Variants in CPQ observed in about 807,000 individuals in gnomAD.
CPQ encodes the protein carboxypeptidase Q.
Under a neutral mutation model 45.7 loss-of-function variants are expected in CPQ, and 37 were observed. The observed-to-expected ratio is 0.81, with a 90% CI of 0.62 to 1.07. The LOEUF (loss-of-function observed/expected upper bound fraction) is 1.07, where lower values mean the gene tolerates loss of function less well. Among genes scored for constraint, CPQ ranks in the 50% least tolerant of loss-of-function variants. The probability of loss-of-function intolerance (pLI) is 0.00; values close to 1 mark genes in which losing one functional copy is unlikely to be tolerated. For missense variants in CPQ, 537 were observed against 572.9 expected (o/e 0.94, Z 0.64); for synonymous variants, 186 against 205.8 (o/e 0.90, Z 0.82).
intron 3 of CPQ, among the ~76,000 whole-genome samples, chr8:96,872,472 T>C (rs116900338): frequency 0.025 from 3,782 of 152,022 alleles, 83 homozygotes; most frequent in Non-Finnish European, 0.037. Context: ...TTTAGGTGTG[T>C]AATAACTTCT....
chr8:96,778,511 T>TCA (rs1810644735), intron 1 of CPQ, among the ~76,000 whole-genome samples: 1 of 152,180 alleles, frequency 6.6e-6, no homozygotes, highest in Non-Finnish European at 1.5e-5. Flanking sequence ...CTCATATAGC[T>TCA]CATTGTTTTG....
intron 5 of CPQ, among the ~76,000 whole-genome samples, chr8:96,989,135 C>G (rs571773747): frequency 2.8e-4 from 42 of 152,192 alleles, no homozygotes; most frequent in South Asian, 6.2e-4. Flanking sequence ...TGAGAGCTTC[C>G]TATAGAAGGC....
intron 1 of CPQ, among the ~76,000 whole-genome samples, chr8:96,774,630 G>C (rs1385181388): frequency 6.6e-6 from 1 of 152,092 alleles, no homozygotes; most frequent in Non-Finnish European, 1.5e-5. Flanking sequence ...GAGGGAAAAA[G>C]AAGAATCCGA....
intron 3 of CPQ, among the ~76,000 whole-genome samples, chr8:96,845,613 C>A (rs996777748): frequency 3.3e-5 from 5 of 151,964 alleles, no homozygotes; most frequent in African/African-American, 1.2e-4. Flanking sequence ...TCCTTCACCC[C>A]CTGGGACCAC....
intron 7 of CPQ, among the ~76,000 whole-genome samples, chr8:97,125,607 A>G (rs1811834622): frequency 6.6e-6 from 1 of 152,228 alleles, no homozygotes; most frequent in South Asian, 2.1e-4. Context: ...AATTTACCAC[A>G]TTAACATAAT....
intron 6 of CPQ, among the ~76,000 whole-genome samples, chr8:97,062,492 G>T (rs575318912): frequency 6.6e-6 from 1 of 152,258 alleles, no homozygotes; most frequent in East Asian, 1.9e-4. Context: ...TCTATTTTAA[G>T]TTCAGGGGTA....
chr8:97,078,254 C>T (rs1810883819), intron 7 of CPQ, among the ~76,000 whole-genome samples: 2 of 152,100 alleles, frequency 1.3e-5, no homozygotes, highest in African/African-American at 4.8e-5. Flanking sequence ...CTATCTTGTA[C>T]ATGTCCTGCC....
chr8:97,053,061 A>T (rs572094654), intron 6 of CPQ, among the ~76,000 whole-genome samples: 89 of 152,352 alleles, frequency 5.8e-4, no homozygotes, highest in African/African-American at 2.1e-3. Context: ...CATCATCAAC[A>T]TAATCATTAT....
chr8:96,903,009 A>G (rs1812532759), intron 4 of CPQ, among the ~76,000 whole-genome samples: 1 of 151,950 alleles, frequency 6.6e-6, no homozygotes, highest in Non-Finnish European at 1.5e-5. Flanking sequence ...TAGGCAGGAT[A>G]GTGATCCTTC....
At chr8:97,101,421 C>T (rs940576463) in intron 7 of CPQ, among the ~76,000 whole-genome samples, 6 of 151,296 alleles carry the variant, frequency 4.0e-5, no homozygotes, top group Admixed American at 1.3e-4. Context: ...AGTATTTCTG[C>T]CGTACTATAT....
At chr8:96,880,590 A>C (rs913960893) in intron 4 of CPQ, among the ~76,000 whole-genome samples, 1 of 136,460 alleles carries the variant, frequency 7.3e-6, no homozygotes, top group Admixed American at 7.6e-5. Context: ...ATGGAATACT[A>C]CCCAGCCATA....
chr8:97,072,336 T>C (rs1417786147), intron 7 of CPQ, among the ~76,000 whole-genome samples: 1 of 152,094 alleles, frequency 6.6e-6, no homozygotes, highest in East Asian at 1.9e-4. Context: ...TCCTCCAGCA[T>C]CTCCCTGCTG....
intron 2 of CPQ, among the ~76,000 whole-genome samples, chr8:96,801,057 C>A (rs980230702): frequency 1.3e-5 from 2 of 150,504 alleles, no homozygotes; most frequent in African/African-American, 4.9e-5. Flanking sequence ...CTCACTGCAA[C>A]CTCTGACTCA....
intron 4 of CPQ, among the ~76,000 whole-genome samples, chr8:96,891,682 G>A (rs1036470237): frequency 3.9e-5 from 6 of 152,196 alleles, no homozygotes; most frequent in African/African-American, 1.4e-4. Flanking sequence ...TGACCACTCA[G>A]AGGTCCATCC....
intron 5 of CPQ, among the ~76,000 whole-genome samples, chr8:96,998,111 C>G (rs1809207365): frequency 6.6e-6 from 1 of 151,936 alleles, no homozygotes; most frequent in Non-Finnish European, 1.5e-5. Flanking sequence ...CCACGCCATG[C>G]TACTCTCATC....
At chr8:96,972,243 C>T (rs1011895178) in intron 5 of CPQ, among the ~76,000 whole-genome samples, 5 of 152,148 alleles carry the variant, frequency 3.3e-5, no homozygotes, top group African/African-American at 4.8e-5. Context: ...AGCTTTCCTC[C>T]ACCTCCCTGG....
At chr8:96,894,162 G>A (rs1017351502) in intron 4 of CPQ, among the ~76,000 whole-genome samples, 4 of 152,176 alleles carry the variant, frequency 2.6e-5, no homozygotes, top group Non-Finnish European at 5.9e-5. Flanking sequence ...AACAGGTCCA[G>A]TCTAGGCTTC....
intron 1 of CPQ, among the ~76,000 whole-genome samples, chr8:96,720,891 G>A (rs1213700535): frequency 1.3e-5 from 2 of 151,776 alleles, no homozygotes; most frequent in Non-Finnish European, 2.9e-5. Context: ...TTTCTATGGT[G>A]TGGTCCTAAG....
intron 7 of CPQ, among the ~76,000 whole-genome samples, chr8:97,121,394 T>C (rs1811700245): frequency 6.6e-6 from 1 of 152,176 alleles, no homozygotes; most frequent in African/African-American, 2.4e-5. Context: ...GTTGGGTATA[T>C]AGTAAATTGA....
Sources: allele counts gnomAD v4.1 joint callset (sites outside exome capture counted in the v4.1 genomes callset), GRCh38; gene constraint gnomAD v4.1.1; transcripts MANE v1.5; gene names NCBI Gene and HGNC (gene_info 2026-07-23, HGNC 2026-07-21).